Variants in EDEM1 observed in about 807,000 individuals in gnomAD.
EDEM1 encodes ER degradation-enhancing alpha-mannosidase-like protein 1.
Under a neutral mutation model 74.4 loss-of-function variants are expected in EDEM1, and 67 were observed. The ratio of observed to expected loss-of-function variants is 0.90; its 90% CI spans 0.74 to 1.10. The LOEUF (loss-of-function observed/expected upper bound fraction) is 1.10. EDEM1 is among the 50% of genes least tolerant of loss of function. The pLI, the probability that EDEM1 is intolerant of heterozygous loss-of-function variation, is 0.00. For missense variants in EDEM1, 926 were observed against 851.6 expected, an observed-to-expected ratio of 1.09 and a Z score of -1.09; for synonymous variants, 382 against 335.9, an observed-to-expected ratio of 1.14 and a Z score of -1.50.
chr3:5,203,200 T>G, intron 5 of EDEM1, 51 bp downstream of exon 5: 1 of 1,474,568 alleles, frequency 6.8e-7, no homozygotes, highest in Non-Finnish European at 9.0e-7. Context: ...GGTCCCCTTT[T>G]CCTTTCATCT....
chr3:5,188,351 G>A, intron 1 of EDEM1, 37 bp downstream of exon 1: 1 of 1,381,040 alleles, frequency 7.2e-7, no homozygotes, highest in Non-Finnish European at 9.4e-7. Flanking sequence ...GCGCGCCCAC[G>A]CGCTTCCTTC....
chr3:5,190,773 G>T (rs2054892751), intron 1 of EDEM1, among the ~76,000 whole-genome samples: 1 of 152,158 alleles, frequency 6.6e-6, no homozygotes, highest in African/African-American at 2.4e-5. Flanking sequence ...AAGAAGCCTT[G>T]CATGGACGCC....
chr3:5,196,969 G>A (rs1300774348), intron 2 of EDEM1, among the ~76,000 whole-genome samples: 4 of 146,254 alleles, frequency 2.7e-5, no homozygotes, highest in East Asian at 2.0e-4. Context: ...TCGCTCTGCC[G>A]CCAGGCTGGA....
At position 5,203,164 on chromosome 3, in the gene EDEM1, C is replaced by G. The variant is rs1348382595; in HGVS notation, c.1042+15C>G. 2 of 1,547,782 alleles carry G rather than the reference C, an allele frequency of 1.3e-6. No homozygotes were observed. Among genetic ancestry groups the G allele is most frequent in the African/African-American group, 1.4e-5 (1 of 72,500 alleles). ...AGGATTACTAGGTGTGGCACCTTTC[C>G]TCGCCATTGGGACTGCACACTGCTT... is the stretch of plus-strand genomic sequence containing the variant. On this transcript the variant is annotated intron_variant, in intron 5 of 11. Coordinates refer to ENST00000256497, the MANE Select transcript of EDEM1 (RefSeq NM_014674.3).
rs1445249158 is a variant in EDEM1, at chr3:5,199,663, T to TTCCACC, written c.655_660dup (p.Ser219_Thr220dup). ...TCAACACAGTTTCATTTGACAAAGA[T>TTCCACC]TCCACCGTCCAAGTCTTTGAGGCCA... On this transcript the variant is annotated inframe_insertion, in exon 3 of 12. Coordinates refer to ENST00000256497, the MANE Select transcript of EDEM1 (RefSeq NM_014674.3). 6.2e-7 allele frequency: 1 copy of TTCCACC among 1,613,858 alleles called. No homozygotes were observed. The highest frequency in any genetic ancestry group is 2.2e-5 in the East Asian group (1 of 44,868).
Position 5,188,125 on chromosome 3 carries a change from G to A in EDEM1, c.320G>A (p.Arg107Gln), listed in dbSNP as rs374561652. 761 of 1,525,632 alleles carry A rather than the reference G, an allele frequency of 5.0e-4. 2 individuals are homozygous for A. The highest frequency in any genetic ancestry group is 1.7e-4 in the Admixed American group (8 of 48,254). 94.5% of individuals were successfully genotyped at this position (1,525,632 alleles called of 1,614,324 possible). The change falls in exon 1 of 12, where the codon CGG becomes CAG. Residue 107 changes from arginine (R) to glutamine (Q), a missense_variant. Physicochemically the swap from Arg to Gln is conservative, Grantham distance 43. Coordinates refer to ENST00000256497, the MANE Select transcript of EDEM1 (RefSeq NM_014674.3). ...PANWGYVLGG[R>Q]GRGPDEYEKR... The stretch of plus-strand genomic sequence containing the variant: ...AACTGGGGCTACGTGCTGGGCGGCC[G>A]GGGCCGCGGCCCGGACGAGTACGAG...
In EDEM1 at chr3:5,203,002, A is replaced by G; in HGVS notation, c.895A>G (p.Asn299Asp). 6.2e-7 allele frequency: 1 copy of G among 1,613,796 alleles called. No individual in the cohort carries two copies. Among genetic ancestry groups the G allele is most frequent in the South Asian group, 1.1e-5 (1 of 91,074 alleles). Residue 299 changes from asparagine (N) to aspartate (D), a missense_variant, in exon 5 of 12, where the codon AAT becomes GAT. Asn to Asp is a conservative substitution (Grantham distance 23). Transcript: ENST00000256497. The part of the protein sequence containing the change: ...LKTGVPPDTN[N>D]ETCTAGAGSL... ...GACAGGAGTTCCTCCTGACACCAAT[A>G]ATGAGACATGCACAGCGGGAGCCGG...
intron 1 of EDEM1, chr3:5,188,562 C>G (rs937438787): frequency 1.2e-4 from 47 of 395,964 alleles, no homozygotes; most frequent in Admixed American, 9.2e-5. Context: ...TGCTGTCCAG[C>G]TCAGTGTCTT....
At position 5,199,689 on chromosome 3, in the gene EDEM1, C is replaced by T. The variant is rs200791433; in HGVS notation, c.680C>T (p.Thr227Met). ...TCCACCGTCCAAGTCTTTGAGGCCA[C>T]GATAAGGTAAAATAATGAATATTCA... Reference protein sequence around the residue: ...KDSTVQVFEATIRVLGSLLSA... With the variant: ...KDSTVQVFEAMIRVLGSLLSA... The change falls in exon 3 of 12, where the codon ACG (threonine) becomes ATG (methionine). Residue 227 changes from threonine (T) to methionine (M), a missense_variant. Thr to Met is a moderately conservative substitution (Grantham distance 81). Coordinates refer to ENST00000256497, the MANE Select transcript of EDEM1 (RefSeq NM_014674.3). 85 of 1,610,564 alleles carry T rather than the reference C, an allele frequency of 5.3e-5. No individual in the cohort carries two copies. The highest frequency in any genetic ancestry group is 1.6e-4 in the Middle Eastern group (1 of 6,070).
At chr3:5,199,728 AGAC>A in intron 3 of EDEM1, 33 bp downstream of exon 3, 1 of 1,556,226 alleles carries the variant, frequency 6.4e-7, no homozygotes, top group Non-Finnish European at 8.8e-7. Context: ...AATGAATTGG[AGAC>A]TTCTTTTTAT....
rs1465255635 is a variant in EDEM1 at position 5,211,398 on chromosome 3, T to C, written c.1680+182T>C. ...TATCTTCTTTCATGGTTTCCAACCT[T>C]GTTGAAAAGTCATTTGTCAAGTAAA... On this transcript the variant is annotated intron_variant, in intron 10 of 11. Coordinates refer to ENST00000256497, the MANE Select transcript of EDEM1 (RefSeq NM_014674.3). The C allele has an allele frequency of 1.9e-5, 11 of 583,578 alleles. No homozygotes were observed. The East Asian group carries it at 2.4e-4, about 13-fold the overall frequency. The allele number at this position is 583,578 out of a possible 1,614,324, so 36.1% of individuals were successfully genotyped here.
At position 5,187,788 on chromosome 3, in the gene EDEM1, C is replaced by G. The variant is rs778599107; in HGVS notation, c.-18C>G. Reference sequence around the variant, plus strand: ...GGCCCCCGCGCTTTAAAATAATGCCCGCGGCGCCCGCGCGACCATGCAATG... The same window carrying G: ...GGCCCCCGCGCTTTAAAATAATGCCGGCGGCGCCCGCGCGACCATGCAATG... On this transcript the variant is annotated 5_prime_UTR_variant, in exon 1 of 12. Transcript: ENST00000256497. 1 of 1,542,114 alleles carries G rather than the reference C, an allele frequency of 6.5e-7. No homozygotes were observed. Among genetic ancestry groups the G allele is most frequent in the South Asian group, 1.2e-5 (1 of 84,588 alleles).
Position 5,188,105 on chromosome 3 carries a change from G to T in EDEM1, c.300G>T (p.Trp100Cys), listed in dbSNP as rs759087878. ...PGPGMCGPAN[W>C]GYVLGGRGRG... Reference sequence around the variant, plus strand: ...CGGGGATGTGCGGCCCAGCCAACTGGGGCTACGTGCTGGGCGGCCGGGGCC... The same window carrying T: ...CGGGGATGTGCGGCCCAGCCAACTGTGGCTACGTGCTGGGCGGCCGGGGCC... Residue 100 changes from tryptophan to cysteine, a missense_variant, in exon 1 of 12, where the codon TGG (tryptophan) becomes TGT (cysteine). Trp to Cys is a radical substitution (Grantham distance 215). Coordinates refer to ENST00000256497, the MANE Select transcript of EDEM1 (RefSeq NM_014674.3). The T allele has an allele frequency of 7.9e-6, 12 of 1,515,376 alleles. No homozygotes were observed. The South Asian group carries it at 1.5e-4, about 19-fold the overall frequency. The allele number at this position is 1,515,376 out of a possible 1,614,324, so 93.9% of individuals were successfully genotyped here. A position where few individuals can be genotyped will look rare whatever the true frequency, so the allele number is the denominator to read the frequency against.
intron 4 of EDEM1, among the ~76,000 whole-genome samples, chr3:5,202,342 T>C (rs1210104300): frequency 6.6e-6 from 1 of 152,244 alleles, no homozygotes; most frequent in East Asian, 1.9e-4. Context: ...ATGCTTCACG[T>C]GGATCTTTCA....
intron 11 of EDEM1, 66 bp from the exon 12 acceptor site, chr3:5,215,763 T>C: frequency 4.2e-6 from 6 of 1,420,546 alleles, no homozygotes; most frequent in Non-Finnish European, 5.0e-6. Context: ...GATTAAGTCA[T>C]CCAGTCACAT....
At chr3:5,207,112 A>G (rs1207893092) in intron 6 of EDEM1, 41 bp from the exon 7 acceptor site, 3 of 1,609,426 alleles carry the variant, frequency 1.9e-6, no homozygotes, top group Admixed American at 3.4e-5. Flanking sequence ...TCTGTCAGTG[A>G]GCTTTCTTTT....
intron 1 of EDEM1, among the ~76,000 whole-genome samples, chr3:5,188,996 C>T (rs565490960): frequency 1.3e-5 from 2 of 152,232 alleles, no homozygotes; most frequent in East Asian, 3.9e-4. Context: ...TCGCCCTGTA[C>T]GATCTGTCTA....
At chr3:5,194,235 C>G (rs2054935917) in intron 1 of EDEM1, among the ~76,000 whole-genome samples, 1 of 152,176 alleles carries the variant, frequency 6.6e-6, no homozygotes, top group South Asian at 2.1e-4. Flanking sequence ...GCTTTGGTTG[C>G]TAATAAAATC....
At chr3:5,194,892 A>G (rs374090462) in intron 1 of EDEM1, among the ~76,000 whole-genome samples, 11 of 152,242 alleles carry the variant, frequency 7.2e-5, no homozygotes, top group African/African-American at 2.4e-4. Flanking sequence ...AAAGTTGGAC[A>G]GGACCAAGGA....
Sources: gnomAD v4.1 joint callset for allele counts (sites outside exome capture counted in the v4.1 genomes callset) on GRCh38, gnomAD v4.1.1 for gene constraint, MANE v1.5 for transcripts, NCBI Gene and HGNC (gene_info 2026-07-23, HGNC 2026-07-21) for gene names.